Variants in ITPR1 observed in about 807,000 individuals in gnomAD.
The protein encoded by ITPR1 is inositol 1,4,5-trisphosphate-gated calcium channel ITPR1.
A neutral mutation model predicts 318.4 loss-of-function variants in ITPR1; 96 were observed. The observed-to-expected ratio is 0.30, with a 90% confidence interval of 0.26 to 0.36. The LOEUF is 0.36. Ranked by LOEUF, ITPR1 falls within the 10% of genes least tolerant of loss-of-function variation. The pLI, the probability that ITPR1 is intolerant of heterozygous loss-of-function variation, is 1.00. For missense variants in ITPR1, 2,440 were observed against 3,460.2 expected (o/e 0.71, Z 7.40); for synonymous variants, 1,312 against 1,289.9 (o/e 1.02, Z -0.37).
chr3:4,716,675 C>G (rs551949672), intron 39 of ITPR1, among the ~76,000 whole-genome samples: 1 of 152,282 alleles, frequency 6.6e-6, no homozygotes, highest in East Asian at 1.9e-4. Flanking sequence ...TAAATGTTAA[C>G]AAAGCCTAAT....
chr3:4,662,801 T>C (rs2093864417), intron 15 of ITPR1, among the ~76,000 whole-genome samples: 1 of 152,210 alleles, frequency 6.6e-6, no homozygotes. Context: ...ACCACATTAC[T>C]AAATGTCAGG....
chr3:4,556,651 C>G (rs1172513312), intron 4 of ITPR1, among the ~76,000 whole-genome samples: 1 of 152,092 alleles, frequency 6.6e-6, no homozygotes, highest in African/African-American at 2.4e-5. Flanking sequence ...TAGCCCGTTT[C>G]TTTTCAGCGC....
At chr3:4,696,385 T>G (rs923166937) in intron 33 of ITPR1, among the ~76,000 whole-genome samples, 1 of 152,194 alleles carries the variant, frequency 6.6e-6, no homozygotes, top group Admixed American at 6.5e-5. Flanking sequence ...TGACTGGATT[T>G]TGTCACCTAC....
chr3:4,645,484 T>C lies in ITPR1; in HGVS notation c.708+14T>C. 1 of 1,608,922 alleles carries C rather than the reference T, an allele frequency of 6.2e-7. No individual in the cohort carries two copies. The highest frequency in any genetic ancestry group is 8.5e-7 in the Non-Finnish European group (1 of 1,175,448). ...ATATTAAAGGGGGTGAGTTTGATGC[T>C]TTATGGGCTGAGCATTACTTGGCTC... is the stretch of plus-strand genomic sequence containing the variant. On this transcript the variant is annotated intron_variant, in intron 9 of 61. Coordinates refer to ENST00000649015, the MANE Select transcript of ITPR1 (RefSeq NM_001378452.1).
At position 4,661,106 on chromosome 3, in the gene ITPR1, C is replaced by G. The variant is rs767614218; in HGVS notation, c.1251+19C>G. ...GCTGAAAGTAAGTCCTGGGACTTGCCTGTCTCCTTTTGGTCTCGTGTTTCC... is the reference window on the plus strand; with the variant it reads ...GCTGAAAGTAAGTCCTGGGACTTGCGTGTCTCCTTTTGGTCTCGTGTTTCC... On this transcript the variant is annotated intron_variant, in intron 14 of 61. Coordinates refer to ENST00000649015, the MANE Select transcript of ITPR1 (RefSeq NM_001378452.1). 6 of 1,431,370 alleles carry G rather than the reference C, an allele frequency of 4.2e-6. No individual in the cohort carries two copies. In the African/African-American group the frequency reaches 7.0e-5, roughly 17 times the overall value. 88.7% of individuals were successfully genotyped at this position (1,431,370 alleles called of 1,614,324 possible).
chr3:4,502,478 G>T (rs1383927266), intron 2 of ITPR1, among the ~76,000 whole-genome samples: 3 of 148,862 alleles, frequency 2.0e-5, no homozygotes, highest in Non-Finnish European at 4.4e-5. Flanking sequence ...ATCTCGCTCT[G>T]TCACCAGGCT....
chr3:4,514,408 ACATGGGGTACAT>A (rs1225050673), intron 2 of ITPR1, among the ~76,000 whole-genome samples: 5 of 152,234 alleles, frequency 3.3e-5, no homozygotes, highest in African/African-American at 1.2e-4. Context: ...GCTGCAAGCA[ACATGGGGTACAT>A]CATGCTTTGT....
chr3:4,563,053 A>T (rs530037172), intron 4 of ITPR1, among the ~76,000 whole-genome samples: 1 of 152,212 alleles, frequency 6.6e-6, no homozygotes, highest in East Asian at 1.9e-4. Flanking sequence ...AGAGCTGGCC[A>T]CTTGTATCTC....
intron 2 of ITPR1, among the ~76,000 whole-genome samples, chr3:4,508,264 T>C (rs1312645440): frequency 6.6e-6 from 1 of 152,160 alleles, no homozygotes; most frequent in African/African-American, 2.4e-5. Flanking sequence ...TGGTAAAAAC[T>C]GGCAGGTCTG....
intron 4 of ITPR1, among the ~76,000 whole-genome samples, chr3:4,553,327 G>A (rs1290674276): frequency 6.6e-6 from 1 of 152,098 alleles, no homozygotes; most frequent in Non-Finnish European, 1.5e-5. Flanking sequence ...TGATTTTTTT[G>A]ACAGATAGAC....
chr3:4,842,188 G>C (rs116127258), intron 61 of ITPR1, among the ~76,000 whole-genome samples: 1,941 of 152,334 alleles, frequency 0.013, 38 homozygotes, highest in African/African-American at 0.044. Context: ...CAGTCTTTCA[G>C]ATGTCTGGCT....
At chr3:4,649,475 A>C (rs2093546145) in intron 10 of ITPR1, among the ~76,000 whole-genome samples, 1 of 152,316 alleles carries the variant, frequency 6.6e-6, no homozygotes, top group East Asian at 1.9e-4. Context: ...CCCCAAACAA[A>C]TACTATGCTC....
In ITPR1 at chr3:4,673,297, T is replaced by C; in HGVS notation, c.2366T>C (p.Met789Thr). Residue 789 changes from methionine (M) to threonine (T), a missense_variant, in exon 21 of 62, where the codon ATG becomes ACG. By Grantham distance (81) the Met-to-Thr change is moderately conservative. Coordinates refer to ENST00000649015, the MANE Select transcript of ITPR1 (RefSeq NM_001378452.1). ...RASFCRLMLH[M>T]HVDRDPQEQV... ...TCCTTCTGCCGCCTCATGCTTCACA[T>C]GCATGTGGACCGAGATCCCCAGGAA... The C allele has an allele frequency of 6.2e-7, 1 of 1,613,908 alleles. No individual in the cohort carries two copies. The highest frequency in any genetic ancestry group is 8.5e-7 in the Non-Finnish European group (1 of 1,179,864).
At chr3:4,754,703 T>C (rs983643412) in intron 44 of ITPR1, among the ~76,000 whole-genome samples, 70 of 152,356 alleles carry the variant, frequency 4.6e-4, no homozygotes, top group African/African-American at 1.7e-3. Flanking sequence ...TAGAGTACCT[T>C]TTTAATAAGC....
At chr3:4,530,997 G>A (rs1219392385) in intron 4 of ITPR1, among the ~76,000 whole-genome samples, 1 of 152,088 alleles carries the variant, frequency 6.6e-6, no homozygotes, top group Non-Finnish European at 1.5e-5. Context: ...CCTCCTTTGT[G>A]CTTGGCTTTC....
At chr3:4,567,746 C>CA (rs1219079564) in intron 4 of ITPR1, among the ~76,000 whole-genome samples, 3 of 152,106 alleles carry the variant, frequency 2.0e-5, no homozygotes, top group Non-Finnish European at 4.4e-5. Flanking sequence ...GGACTACAGG[C>CA]ATGCGTCACC....
intron 51 of ITPR1, among the ~76,000 whole-genome samples, chr3:4,786,441 A>C (rs1340131609): frequency 6.6e-6 from 1 of 152,204 alleles, no homozygotes; most frequent in Non-Finnish European, 1.5e-5. Context: ...CCTCTAAGAG[A>C]GTTTCCCACT....
At chr3:4,770,917 A>G (rs926765736) in intron 46 of ITPR1, among the ~76,000 whole-genome samples, 2 of 152,150 alleles carry the variant, frequency 1.3e-5, no homozygotes, top group Non-Finnish European at 2.9e-5. Flanking sequence ...GGATTCAGGC[A>G]AAGGGGGAGT....
chr3:4,685,014 C>G, intron 29 of ITPR1, 55 bp from the exon 30 acceptor site: 1 of 1,574,326 alleles, frequency 6.4e-7, no homozygotes. Flanking sequence ...CCTCTGCAAT[C>G]TTTTTCCAGC....
Sources: gnomAD v4.1 joint callset for allele counts (sites outside exome capture counted in the v4.1 genomes callset) on GRCh38, gnomAD v4.1.1 for gene constraint, MANE v1.5 for transcripts, NCBI Gene and HGNC (gene_info 2026-07-23, HGNC 2026-07-21) for gene names.